Variants in EIF3K observed in about 807,000 individuals in gnomAD.
EIF3K encodes the protein eIF-3 p28.
In EIF3K, 27 loss-of-function variants were observed where a neutral mutation model predicts 34.2. The observed-to-expected ratio is 0.79, with a 90% confidence interval of 0.58 to 1.09. The LOEUF (loss-of-function observed/expected upper bound fraction) is 1.09. EIF3K is among the 50% of genes least tolerant of loss of function. The pLI is 0.00. For missense variants in EIF3K, 232 were observed against 275.4 expected (o/e 0.84, Z 1.11); for synonymous variants, 105 against 105.7 (o/e 0.99, Z 0.04).
At chr19:38,628,333 A>G (rs1975990087) in intron 4 of EIF3K, among the ~76,000 whole-genome samples, 1 of 152,154 alleles carries the variant, frequency 6.6e-6, no homozygotes, top group Admixed American at 6.6e-5. Context: ...ACATCTGGCC[A>G]ATGTTGGGAG....
chr19:38,627,414 C>T (rs1339604916), intron 4 of EIF3K, among the ~76,000 whole-genome samples: 1 of 151,856 alleles, frequency 6.6e-6, no homozygotes, highest in Non-Finnish European at 1.5e-5. Flanking sequence ...CCTGTAATCC[C>T]AGCACTTTGG....
At chr19:38,621,271 G>A (rs988337833) in intron 2 of EIF3K, among the ~76,000 whole-genome samples, 1 of 151,324 alleles carries the variant, frequency 6.6e-6, no homozygotes, top group African/African-American at 2.4e-5. Context: ...AAATTAGCTG[G>A]GCCCAGTGGC....
chr19:38,633,363 T>C (rs1437265327), intron 6 of EIF3K, among the ~76,000 whole-genome samples: 3 of 152,112 alleles, frequency 2.0e-5, no homozygotes, highest in African/African-American at 4.8e-5. Context: ...AAATAACTTA[T>C]TTGCTTACTT....
At chr19:38,636,845 C>T (rs1976202619) in intron 7 of EIF3K, 44 bp from the exon 8 acceptor site, 1 of 1,613,556 alleles carries the variant, frequency 6.2e-7, no homozygotes, top group Non-Finnish European at 8.5e-7. Context: ...GGAGGTTTGT[C>T]TCCCGCCCTT....
At chr19:38,624,056 G>A (rs769380355) in intron 2 of EIF3K, 21 bp from the exon 3 acceptor site, 47 of 1,613,768 alleles carry the variant, frequency 2.9e-5, no homozygotes, top group Middle Eastern at 1.6e-4. Context: ...CTGTGGCCAC[G>A]TCTCTTGTTC....
At chr19:38,620,480 C>G in intron 2 of EIF3K, 45 bp downstream of exon 2, 1 of 1,540,508 alleles carries the variant, frequency 6.5e-7, no homozygotes, top group Non-Finnish European at 8.9e-7. Context: ...CAGCAACTAG[C>G]AGGGTGCCAC....
At chr19:38,620,504 C>A in intron 2 of EIF3K, 69 bp downstream of exon 2, 1 of 1,340,968 alleles carries the variant, frequency 7.5e-7, no homozygotes, top group South Asian at 1.2e-5. Context: ...CAGTACAGGG[C>A]AAGGGGGTGG....
chr19:38,624,330 G>T (rs1975904477), intron 3 of EIF3K, 133 bp downstream of exon 3: 1 of 1,360,466 alleles, frequency 7.4e-7, no homozygotes, highest in Non-Finnish European at 9.9e-7. Context: ...GTGGCAAGGT[G>T]CTGGACAGTG....
At chr19:38,622,640 G>C (rs993136137) in intron 2 of EIF3K, among the ~76,000 whole-genome samples, 1 of 152,134 alleles carries the variant, frequency 6.6e-6, no homozygotes, top group Non-Finnish European at 1.5e-5. Flanking sequence ...GAGATCAACC[G>C]GTCTGACCAA....
chr19:38,620,500 A>C (rs939228147), intron 2 of EIF3K, 65 bp downstream of exon 2: 4 of 1,382,632 alleles, frequency 2.9e-6, no homozygotes, highest in East Asian at 2.3e-5. Context: ...CTCCCAGTAC[A>C]GGGCAAGGGG....
At position 38,636,802 on chromosome 19, in the gene EIF3K, C is replaced by G. The variant is rs897372403; in HGVS notation, c.626-87C>G. ...GCCTGGAAGGAGTTTATGATCTCCC[C>G]CTAAAGAATTGTGGGTGCTGTAGCA... On this transcript the variant is annotated intron_variant, in intron 7 of 7. Transcript: ENST00000248342. 21 of 1,490,548 alleles carry G rather than the reference C, an allele frequency of 1.4e-5. No homozygotes were observed. The African/African-American group carries it at 2.1e-4, about 15-fold the overall frequency. The allele number at this position is 1,490,548 out of a possible 1,614,324, so 92.3% of individuals were successfully genotyped here.
chr19:38,622,275 G>T (rs1975859076), intron 2 of EIF3K, among the ~76,000 whole-genome samples: 1 of 152,094 alleles, frequency 6.6e-6, no homozygotes, highest in Admixed American at 6.6e-5. Context: ...AATCACGTAG[G>T]TTCTTTTCTA....
At chr19:38,628,905 G>A (rs920374967) in intron 4 of EIF3K, among the ~76,000 whole-genome samples, 2 of 151,696 alleles carry the variant, frequency 1.3e-5, no homozygotes, top group East Asian at 3.9e-4. Flanking sequence ...CCCAACTCCT[G>A]GATGTTTCCT....
intron 3 of EIF3K, among the ~76,000 whole-genome samples, chr19:38,624,809 C>T (rs1975914659): frequency 6.6e-6 from 1 of 152,074 alleles, no homozygotes; most frequent in South Asian, 2.1e-4. Flanking sequence ...TGAACACAGC[C>T]ATCTGTATTT....
At chr19:38,619,784 A>G (rs1975799087) in intron 1 of EIF3K, among the ~76,000 whole-genome samples, 8 of 152,190 alleles carry the variant, frequency 5.3e-5, no homozygotes, top group Admixed American at 5.2e-4. Flanking sequence ...TGTCAGTGCT[A>G]GGCAATGCTG....
At chr19:38,632,914 A>G (rs1785291059) in intron 6 of EIF3K, 1 of 477,566 alleles carries the variant, frequency 2.1e-6, no homozygotes. Flanking sequence ...AGTGTGCTAA[A>G]CTGGGCGTGC....
At chr19:38,621,112 G>A (rs897964352) in intron 2 of EIF3K, among the ~76,000 whole-genome samples, 1 of 150,540 alleles carries the variant, frequency 6.6e-6, no homozygotes, top group Non-Finnish European at 1.5e-5. Flanking sequence ...TGGAAGGATC[G>A]CTTAAGCCTG....
chr19:38,619,409 G>A (rs896892973), intron 1 of EIF3K, 82 bp downstream of exon 1: 3 of 1,518,310 alleles, frequency 2.0e-6, no homozygotes, highest in Non-Finnish European at 2.7e-6. Flanking sequence ...GGTGTTCAGG[G>A]TCCTGGGCTT....
intron 6 of EIF3K, among the ~76,000 whole-genome samples, chr19:38,634,456 G>A (rs1976143035): frequency 6.6e-6 from 1 of 151,646 alleles, no homozygotes; most frequent in Non-Finnish European, 1.5e-5. Flanking sequence ...AAATTAGCCA[G>A]GCGTGGTGGC....
Sources: allele counts gnomAD v4.1 joint callset (sites outside exome capture counted in the v4.1 genomes callset), GRCh38; gene constraint gnomAD v4.1.1; transcripts MANE v1.5; gene names NCBI Gene and HGNC (gene_info 2026-07-23, HGNC 2026-07-21).